The following GALNT1 variants were observed in gnomAD, a reference collection of about 807,000 sequenced individuals.
GALNT1 encodes the protein polypeptide N-acetylgalactosaminyltransferase 1, also known as GalNAc transferase 1.
A neutral mutation model predicts 65.7 loss-of-function variants in GALNT1; 17 were observed. That is an observed-to-expected ratio of 0.26 (90% CI 0.18 to 0.39). The LOEUF (loss-of-function observed/expected upper bound fraction) is 0.39, where lower values mean the gene tolerates loss of function less well. Among genes scored for constraint, GALNT1 ranks in the 10% least tolerant of loss-of-function variants. The pLI, the probability that GALNT1 is intolerant of heterozygous loss-of-function variation, is 1.00. For missense variants in GALNT1, 460 were observed against 672.8 expected, an observed-to-expected ratio of 0.68 and a Z score of 3.50; for synonymous variants, 210 against 219.7, an observed-to-expected ratio of 0.96 and a Z score of 0.39.
Position 35,709,795 on chromosome 18 carries a change from A to G in GALNT1, c.*25A>G. ...AGACCAAATTTACAAAAAAACGAAAAAAATAAGGATTGACTGGGCTACCTC... is the reference window on the plus strand; with the variant it reads ...AGACCAAATTTACAAAAAAACGAAAGAAATAAGGATTGACTGGGCTACCTC... On this transcript the variant is annotated 3_prime_UTR_variant, in exon 12 of 12. Transcript: ENST00000269195. 1 of 1,613,250 alleles carries G rather than the reference A, an allele frequency of 6.2e-7. No homozygotes were observed. The highest frequency in any genetic ancestry group is 2.2e-5 in the East Asian group (1 of 44,816).
intron 2 of GALNT1, among the ~76,000 whole-genome samples, chr18:35,655,764 T>A (rs1365983432): frequency 6.6e-6 from 1 of 152,170 alleles, no homozygotes; most frequent in Non-Finnish European, 1.5e-5. Flanking sequence ...AAAATATTGA[T>A]TTGTATTGTT....
intron 11 of GALNT1, among the ~76,000 whole-genome samples, chr18:35,704,245 T>G (rs1036317098): frequency 1.3e-5 from 2 of 152,084 alleles, no homozygotes; most frequent in Non-Finnish European, 2.9e-5. Context: ...CTTCAATATT[T>G]CTTTCTCTGG....
Position 35,682,096 on chromosome 18 carries a change from C to T in GALNT1, c.482-1295C>T, listed in dbSNP as rs184812235. Among the ~76,000 whole-genome samples the T allele has an allele frequency of 1.7e-4, 26 of 152,254 alleles. 1 individual carries two copies. The highest frequency in any genetic ancestry group is 1.4e-3 in the East Asian group (7 of 5,180). On this transcript the variant is annotated intron_variant, in intron 4 of 11. Transcript: ENST00000269195. ...CTACCCTTACCTTTTTACTCAGAAT[C>T]AATTTAGATCCTTCTGACCCTAAGA...
intron 1 of GALNT1, among the ~76,000 whole-genome samples, chr18:35,626,262 A>G (rs931211409): frequency 1.3e-5 from 2 of 151,982 alleles, no homozygotes; most frequent in East Asian, 1.9e-4. Flanking sequence ...GGGACTGAAC[A>G]TTTTTCATGT....
intron 1 of GALNT1, among the ~76,000 whole-genome samples, chr18:35,627,649 G>A (rs1391721089): frequency 6.6e-6 from 1 of 152,112 alleles, no homozygotes; most frequent in African/African-American, 2.4e-5. Context: ...CAGTGTGAGC[G>A]ACACAGAAGA....
chr18:35,645,165 CCA>C (rs1490139784), intron 1 of GALNT1, among the ~76,000 whole-genome samples: 4 of 150,242 alleles, frequency 2.7e-5, no homozygotes, highest in African/African-American at 7.3e-5. Flanking sequence ...CAATAAAGCT[CCA>C]CAGTTTTCTT....
rs752763943 is a variant in GALNT1, at chr18:35,645,578, G to A, written c.-103-8982G>A. Among the ~76,000 whole-genome samples, 49 of 152,190 alleles carry A rather than the reference G, an allele frequency of 3.2e-4. 1 individual carries two copies. The highest frequency in any genetic ancestry group is 8.4e-4 in the African/African-American group (35 of 41,534). On this transcript the variant is annotated intron_variant, in intron 1 of 11. Coordinates refer to ENST00000269195, the MANE Select transcript of GALNT1 (RefSeq NM_020474.4). Reference sequence around the variant, plus strand: ...AGTTATAACTACCATATAGGAGCACGACTGATGTTATATGTTCATCTGTAG... The same window carrying A: ...AGTTATAACTACCATATAGGAGCACAACTGATGTTATATGTTCATCTGTAG...
At chr18:35,704,750 TCTC>T (rs1164245678) in intron 11 of GALNT1, among the ~76,000 whole-genome samples, 3 of 151,986 alleles carry the variant, frequency 2.0e-5, no homozygotes, top group African/African-American at 7.2e-5. Flanking sequence ...TTCAAGCTAT[TCTC>T]CTGCCTCAGC....
At chr18:35,601,324 C>A (rs1162888426) in intron 1 of GALNT1, among the ~76,000 whole-genome samples, 3 of 151,792 alleles carry the variant, frequency 2.0e-5, no homozygotes. Flanking sequence ...TTATGTAGGT[C>A]CTCTCCCTTT....
chr18:35,582,652 A>C (rs534489452), intron 1 of GALNT1, among the ~76,000 whole-genome samples: 1 of 152,226 alleles, frequency 6.6e-6, no homozygotes, highest in Non-Finnish European at 1.5e-5. Flanking sequence ...GAGGGCAGAG[A>C]ATGTCACTTT....
chr18:35,675,943 A>G (rs1478597680), intron 3 of GALNT1, among the ~76,000 whole-genome samples: 2 of 152,156 alleles, frequency 1.3e-5, no homozygotes. Flanking sequence ...TTGCTCAGCT[A>G]TGATGTACCT....
At chr18:35,603,760 C>T (rs957435602) in intron 1 of GALNT1, among the ~76,000 whole-genome samples, 1 of 152,138 alleles carries the variant, frequency 6.6e-6, no homozygotes, top group Non-Finnish European at 1.5e-5. Flanking sequence ...TAAGCCAGCT[C>T]TAAACTTTGC....
At chr18:35,660,633 A>G (rs190403227) in intron 2 of GALNT1, among the ~76,000 whole-genome samples, 2 of 152,298 alleles carry the variant, frequency 1.3e-5, no homozygotes, top group Admixed American at 6.5e-5. Context: ...TTTAATACAC[A>G]TAGAAGACTG....
chr18:35,680,394 C>A (rs972093391), intron 4 of GALNT1, among the ~76,000 whole-genome samples: 1 of 152,174 alleles, frequency 6.6e-6, no homozygotes, highest in African/African-American at 2.4e-5. Context: ...GCAGCTCTAA[C>A]CAGGGTTTGA....
At chr18:35,709,096 T>C (rs1341107226) in intron 11 of GALNT1, among the ~76,000 whole-genome samples, 5 of 152,222 alleles carry the variant, frequency 3.3e-5, no homozygotes, top group Admixed American at 2.0e-4. Context: ...AACATTCTTA[T>C]GATTTTGAGT....
At chr18:35,690,379 A>G (rs1245863639) in intron 7 of GALNT1, among the ~76,000 whole-genome samples, 7 of 152,174 alleles carry the variant, frequency 4.6e-5, no homozygotes, top group Non-Finnish European at 1.0e-4. Context: ...TGGTTACTCC[A>G]TGGTCAGGTT....
chr18:35,680,125 G>T (rs2047765658), intron 4 of GALNT1, among the ~76,000 whole-genome samples: 2 of 152,192 alleles, frequency 1.3e-5, no homozygotes, highest in South Asian at 4.1e-4. Flanking sequence ...TCTTCCCTCT[G>T]TCCAGTTTTC....
intron 2 of GALNT1, among the ~76,000 whole-genome samples, chr18:35,660,527 A>G (rs1166857979): frequency 6.6e-6 from 1 of 152,208 alleles, no homozygotes; most frequent in African/African-American, 2.4e-5. Context: ...AATGAGCTGC[A>G]TGTAGAATTT....
chr18:35,683,326 A>G, intron 4 of GALNT1, 65 bp from the exon 5 acceptor site: 2 of 1,328,476 alleles, frequency 1.5e-6, no homozygotes, highest in South Asian at 2.7e-5. Context: ...CCAAATCAAA[A>G]TTACTTTCAT....
Sources: gnomAD v4.1 joint callset for allele counts (sites outside exome capture counted in the v4.1 genomes callset) on GRCh38, gnomAD v4.1.1 for gene constraint, MANE v1.5 for transcripts, NCBI Gene and HGNC (gene_info 2026-07-23, HGNC 2026-07-21) for gene names.